Variants in KSR2 observed in about 807,000 individuals in gnomAD.
KSR2 encodes the protein kinase suppressor of ras 2.
A neutral mutation model predicts 107.8 loss-of-function variants in KSR2; 25 were observed. The observed-to-expected ratio is 0.23, with a 90% confidence interval of 0.17 to 0.32. The LOEUF is 0.32. KSR2 is among the 10% of genes least tolerant of loss of function. KSR2 has a pLI of 1.00. For missense variants in KSR2, 887 were observed against 1,268.9 expected (o/e 0.70, Z 4.57); for synonymous variants, 480 against 507.0 (o/e 0.95, Z 0.71).
At chr12:117,794,504 A>AC (rs1566019390) in intron 3 of KSR2, among the ~76,000 whole-genome samples, 1 of 116,996 alleles carries the variant, frequency 8.5e-6, no homozygotes, top group African/African-American at 3.4e-5. Flanking sequence ...ACATGCACAC[A>AC]CAACATGCAC....
At chr12:117,853,233 A>G (rs1016271632) in intron 3 of KSR2, among the ~76,000 whole-genome samples, 6 of 152,250 alleles carry the variant, frequency 3.9e-5, no homozygotes, top group African/African-American at 1.4e-4. Flanking sequence ...AAAAATATGG[A>G]TATTTCCAAA....
intron 5 of KSR2, among the ~76,000 whole-genome samples, chr12:117,607,320 C>A (rs969667785): frequency 1.3e-5 from 2 of 152,184 alleles, no homozygotes; most frequent in African/African-American, 4.8e-5. Flanking sequence ...GGCTGTGAGG[C>A]CTCCTCTAGT....
In KSR2 at chr12:117,531,706, T is replaced by A; in HGVS notation, c.1689A>T (p.Ala563=). The change falls in exon 11 of 20, where the codon GCA becomes GCT. Residue 563 remains alanine (A), a splice_region_variant and synonymous_variant. Coordinates refer to ENST00000339824, the MANE Select transcript of KSR2 (RefSeq NM_173598.6). Reference sequence around the variant, plus strand: ...GCTGCTTGTATTTGTAGTAGTGGGATGCTTGCAAAAGAAAGAAAACATCAA... The same window carrying A: ...GCTGCTTGTATTTGTAGTAGTGGGAAGCTTGCAAAAGAAAGAAAACATCAA... ...TRQQKNFNLP[A]SHYYKYKQQF... is the part of the protein sequence containing the mutation. 1 of 1,598,066 alleles carries A rather than the reference T, an allele frequency of 6.3e-7. No homozygotes were observed.
intron 1 of KSR2, among the ~76,000 whole-genome samples, chr12:117,934,799 C>T (rs1895791366): frequency 6.6e-6 from 1 of 152,114 alleles, no homozygotes; most frequent in South Asian, 2.1e-4. Context: ...GTGCAAGCCA[C>T]AGTCGTCTTC....
At chr12:117,710,249 C>T (rs55642886) in intron 4 of KSR2, among the ~76,000 whole-genome samples, 27,357 of 151,892 alleles carry the variant, frequency 0.18, 3,144 homozygotes, top group East Asian at 0.27. Context: ...AAATGACCAA[C>T]GGGAAAATTG....
intron 5 of KSR2, among the ~76,000 whole-genome samples, chr12:117,643,452 CA>C (rs1260894742): frequency 6.6e-6 from 1 of 152,062 alleles, no homozygotes; most frequent in African/African-American, 2.4e-5. Flanking sequence ...ATCTCAAAAA[CA>C]AAACAAAACA....
chr12:117,893,907 C>CTTTTTT (rs56095185), intron 1 of KSR2, among the ~76,000 whole-genome samples: 18 of 129,312 alleles, frequency 1.4e-4, no homozygotes, highest in African/African-American at 3.6e-4. Flanking sequence ...GAACAAAATT[C>CTTTTTT]TTTTTTTTTT....
chr12:117,506,426 A>G (rs1160450567), intron 14 of KSR2, among the ~76,000 whole-genome samples: 4 of 152,168 alleles, frequency 2.6e-5, no homozygotes, highest in African/African-American at 9.7e-5. Flanking sequence ...AAACATTGAT[A>G]TATTTTTTTC....
At chr12:117,577,331 G>T (rs1354924032) in intron 7 of KSR2, among the ~76,000 whole-genome samples, 1 of 149,714 alleles carries the variant, frequency 6.7e-6, no homozygotes, top group Non-Finnish European at 1.5e-5. Flanking sequence ...ACCTGAAGGG[G>T]TACGTAATAC....
intron 5 of KSR2, among the ~76,000 whole-genome samples, chr12:117,600,416 C>T (rs1880874178): frequency 6.6e-6 from 1 of 152,208 alleles, no homozygotes; most frequent in Admixed American, 6.5e-5. Flanking sequence ...CACCTGCCCC[C>T]ATTTTCCACA....
intron 3 of KSR2, among the ~76,000 whole-genome samples, chr12:117,845,980 G>A (rs904514058): frequency 2.9e-4 from 44 of 151,118 alleles, no homozygotes; most frequent in African/African-American, 1.0e-3. Context: ...GTGAACCACC[G>A]CACCCACCCA....
intron 3 of KSR2, among the ~76,000 whole-genome samples, chr12:117,846,488 A>C (rs1892709860): frequency 6.6e-6 from 1 of 151,942 alleles, no homozygotes; most frequent in Non-Finnish European, 1.5e-5. Flanking sequence ...TTTTTTGTAC[A>C]GATGGGGTCT....
At chr12:117,539,448 C>T (rs889053203) in intron 10 of KSR2, 3 of 417,930 alleles carry the variant, frequency 7.2e-6, no homozygotes, top group South Asian at 6.2e-5. Flanking sequence ...AGAGTTCCTG[C>T]ACCTCTTTGA....
chr12:117,771,957 CAA>C (rs1431608395), intron 3 of KSR2, among the ~76,000 whole-genome samples: 5 of 150,558 alleles, frequency 3.3e-5, no homozygotes, highest in Admixed American at 2.7e-4. Flanking sequence ...ACCATTCCAT[CAA>C]AGACGCACAC....
At position 117,488,208 on chromosome 12, in the gene KSR2, C is replaced by T. The variant is rs1592920693; in HGVS notation, c.2220-2517G>A. On this transcript the variant is annotated intron_variant, in intron 14 of 19. Transcript: ENST00000339824. ...ATGTGGAACTGTGAGTCCATAAAAC[C>T]TCTTTCCTTTATAAATTACCCAGTC... Among the ~76,000 whole-genome samples, 3 of 152,242 alleles carry T rather than the reference C, an allele frequency of 2.0e-5. 1 individual carries two copies. In the South Asian group the frequency reaches 6.2e-4, roughly 32 times the overall value.
At chr12:117,697,872 G>T (rs991121944) in intron 4 of KSR2, among the ~76,000 whole-genome samples, 1 of 152,096 alleles carries the variant, frequency 6.6e-6, no homozygotes, top group African/African-American at 2.4e-5. Flanking sequence ...GGTCATTGCA[G>T]CTGTAATTAG....
chr12:117,565,455 C>T (rs145147513), intron 7 of KSR2, among the ~76,000 whole-genome samples: 2,816 of 152,274 alleles, frequency 0.018, 40 homozygotes, highest in Middle Eastern at 0.031. Context: ...CAACCCATTT[C>T]CCCTGAACAG....
At chr12:117,616,250 C>T (rs1881882760) in intron 5 of KSR2, among the ~76,000 whole-genome samples, 1 of 151,048 alleles carries the variant, frequency 6.6e-6, no homozygotes, top group African/African-American at 2.4e-5. Context: ...ATAATGATGA[C>T]TCAATCAATC....
rs568207135 is a variant in KSR2 at position 117,719,415 on chromosome 12, T to A, written c.986+41596A>T. Among the ~76,000 whole-genome samples the A allele has an allele frequency of 1.1e-4, 17 of 152,338 alleles. 1 individual carries two copies. The highest frequency in any genetic ancestry group is 3.8e-4 in the African/African-American group (16 of 41,588). On this transcript the variant is annotated intron_variant, in intron 4 of 19. Transcript: ENST00000339824. The stretch of plus-strand genomic sequence containing the variant: ...TTCACCATGTTGGCCAGACTGGTCC[T>A]GAACTCCTGACCTCAGGTGATCTGC...
Sources: gnomAD v4.1 joint callset for allele counts (sites outside exome capture counted in the v4.1 genomes callset) on GRCh38, gnomAD v4.1.1 for gene constraint, MANE v1.5 for transcripts, NCBI Gene and HGNC (gene_info 2026-07-23, HGNC 2026-07-21) for gene names.